The following TRIM55 variants were observed in gnomAD, a reference collection of about 807,000 sequenced individuals.
The protein encoded by TRIM55 is tripartite motif-containing protein 55.
In TRIM55, 50 loss-of-function variants were observed where a neutral mutation model predicts 60.9. The ratio of observed to expected loss-of-function variants is 0.82; its 90% CI spans 0.65 to 1.04. TRIM55 has a LOEUF of 1.04. TRIM55 is among the 50% of genes least tolerant of loss of function. TRIM55 has a pLI of 0.00. For missense variants in TRIM55, 681 were observed against 666.9 expected, an observed-to-expected ratio of 1.02 and a Z score of -0.23; for synonymous variants, 237 against 238.1, an observed-to-expected ratio of 1.00 and a Z score of 0.04.
chr8:66,170,874 T>C (rs956139459), intron 9 of TRIM55, among the ~76,000 whole-genome samples: 2 of 152,208 alleles, frequency 1.3e-5, no homozygotes, highest in African/African-American at 4.8e-5. Flanking sequence ...TTATTCACAA[T>C]AGCCAAGAGG....
At chr8:66,128,178 G>A (rs1042378185) in intron 1 of TRIM55, 126 bp from the exon 2 acceptor site, 2 of 905,204 alleles carry the variant, frequency 2.2e-6, no homozygotes, top group African/African-American at 1.7e-5. Context: ...AAGCCCTGAG[G>A]GATGATCTTA....
At chr8:66,145,538 A>G (rs1411627635) in intron 4 of TRIM55, among the ~76,000 whole-genome samples, 1 of 152,224 alleles carries the variant, frequency 6.6e-6, no homozygotes, top group Non-Finnish European at 1.5e-5. Context: ...AGATCATACA[A>G]TGCCAGGTAC....
At chr8:66,126,902 G>T, upstream of TRIM55, 1 of 180,906 alleles carries the variant, frequency 5.5e-6, no homozygotes, top group East Asian at 1.5e-4. Context: ...TGCATTTGTT[G>T]TTGACAACTG....
chr8:66,152,556 G>A lies in TRIM55; in HGVS notation c.1165G>A (p.Gly389Arg), dbSNP rs1054997692. The A allele has an allele frequency of 1.7e-5, 27 of 1,614,040 alleles. No homozygotes were observed. Among genetic ancestry groups the A allele is most frequent in the Non-Finnish European group, 2.2e-5 (26 of 1,180,024 alleles). ...TCAGGTGGAGCTGCAGGCTGCCCCTGGGGCACTTCCAGTTTCCTCTCCAGA... is the reference window on the plus strand; with the variant it reads ...TCAGGTGGAGCTGCAGGCTGCCCCTAGGGCACTTCCAGTTTCCTCTCCAGA... ...LSQVELQAAP[G>R]ALPVSSPEPP... The change falls in exon 8 of 10, where the codon GGG becomes AGG. Residue 389 changes from glycine (G) to arginine (R), a missense_variant. Gly to Arg is a moderately radical substitution (Grantham distance 125). Transcript: ENST00000315962.
upstream of TRIM55, among the ~76,000 whole-genome samples, chr8:66,122,137 A>C (rs12216865): frequency 0.075 from 11,364 of 152,206 alleles, 666 homozygotes; most frequent in African/African-American, 0.17. Flanking sequence ...GTTATTATTC[A>C]TGTTGGGAAG....
At chr8:66,155,511 C>T in intron 9 of TRIM55, 2 of 701,894 alleles carry the variant, frequency 2.8e-6, no homozygotes, top group Non-Finnish European at 4.8e-6. Context: ...GTGCACTACC[C>T]CATGAAGAGC....
chr8:66,117,939 G>A, the TRIM55 span, among the ~76,000 whole-genome samples: 1 of 151,892 alleles, frequency 6.6e-6, no homozygotes, highest in Non-Finnish European at 1.5e-5. Flanking sequence ...GGCCGAGGCG[G>A]GTGGATCACG....
At chr8:66,144,681 G>C (rs1450982256) in intron 4 of TRIM55, among the ~76,000 whole-genome samples, 1 of 152,224 alleles carries the variant, frequency 6.6e-6, no homozygotes, top group Non-Finnish European at 1.5e-5. Flanking sequence ...TTACTGTCCA[G>C]AGAAGAGGGG....
chr8:66,161,763 T>A (rs1563390170), intron 9 of TRIM55, among the ~76,000 whole-genome samples: 1 of 151,446 alleles, frequency 6.6e-6, no homozygotes, highest in Non-Finnish European at 1.5e-5. Context: ...AGGTTTTTTT[T>A]TTTTTTTTGC....
intron 4 of TRIM55, among the ~76,000 whole-genome samples, chr8:66,139,692 T>G (rs1485903564): frequency 6.6e-6 from 1 of 152,178 alleles, no homozygotes; most frequent in Non-Finnish European, 1.5e-5. Flanking sequence ...GGGGAGGGTA[T>G]GTAATCATTC....
At position 66,149,535 on chromosome 8, in the gene TRIM55, A is replaced by T; in HGVS notation, c.604-110A>T. ...TAAATAGACATCTTCAGGGAAAAGA[A>T]AAAAATATCCTACATAAGTAAATGT... On this transcript the variant is annotated intron_variant, in intron 4 of 9. Transcript: ENST00000315962. 7.9e-6 allele frequency: 7 copies of T among 887,842 alleles called. No homozygotes were observed. In the South Asian group the frequency reaches 1.2e-4, roughly 16 times the overall value. 55.0% of individuals were successfully genotyped at this position (887,842 alleles called of 1,614,324 possible). A position where few individuals can be genotyped will look rare whatever the true frequency, so the allele number is the denominator to read the frequency against.
chr8:66,151,515 G>A (rs956925916), intron 7 of TRIM55, among the ~76,000 whole-genome samples: 1 of 152,052 alleles, frequency 6.6e-6, no homozygotes, highest in Admixed American at 6.6e-5. Flanking sequence ...TAAAAAAATC[G>A]CTTAATATTG....
At chr8:66,141,121 G>A (rs1238061124) in intron 4 of TRIM55, among the ~76,000 whole-genome samples, 2 of 152,190 alleles carry the variant, frequency 1.3e-5, no homozygotes, top group African/African-American at 4.8e-5. Flanking sequence ...CAGCCCTGAA[G>A]CAATGCTGAG....
chr8:66,126,816 C>G (rs1204019976), upstream of TRIM55: 1 of 154,510 alleles, frequency 6.5e-6, no homozygotes, highest in Non-Finnish European at 1.4e-5. Flanking sequence ...CGTTCTGCCC[C>G]TTCCTGGAGA....
At chr8:66,117,565 C>T in the TRIM55 span, among the ~76,000 whole-genome samples, 1 of 152,232 alleles carries the variant, frequency 6.6e-6, no homozygotes, top group Non-Finnish European at 1.5e-5. Flanking sequence ...CAGATCATAT[C>T]AGGTCTTGGG....
At chr8:66,165,958 T>C (rs1218678994) in intron 9 of TRIM55, among the ~76,000 whole-genome samples, 1 of 152,074 alleles carries the variant, frequency 6.6e-6, no homozygotes. Flanking sequence ...TGGGCTTTTT[T>C]TTTTTCCTAC....
chr8:66,128,835 C>T (rs891647198), intron 2 of TRIM55, among the ~76,000 whole-genome samples: 1 of 150,308 alleles, frequency 6.7e-6, no homozygotes, highest in Non-Finnish European at 1.5e-5. Flanking sequence ...CAGATCCCTA[C>T]AAAGCAAAGA....
At chr8:66,166,190 T>G (rs1178798260) in intron 9 of TRIM55, among the ~76,000 whole-genome samples, 2 of 152,174 alleles carry the variant, frequency 1.3e-5, no homozygotes, top group Admixed American at 1.3e-4. Context: ...AAATGTCACT[T>G]TAATAGGAAG....
At chr8:66,119,253 T>A in the TRIM55 span, among the ~76,000 whole-genome samples, 1 of 152,216 alleles carries the variant, frequency 6.6e-6, no homozygotes, top group Admixed American at 6.5e-5. Context: ...CCTTTCTACC[T>A]TAGAGGCTGA....
Sources: gnomAD v4.1 joint callset for allele counts (sites outside exome capture counted in the v4.1 genomes callset) on GRCh38, gnomAD v4.1.1 for gene constraint, MANE v1.5 for transcripts, NCBI Gene and HGNC (gene_info 2026-07-23, HGNC 2026-07-21) for gene names.